CMC1: variants seen among roughly 807,000 people sequenced by gnomAD.
CMC1 encodes the protein COX assembly mitochondrial protein homolog.
CMC1 carries 14 observed loss-of-function variants against 14.1 expected under a neutral mutation model. The observed-to-expected ratio is 0.99, with a 90% CI of 0.66 to 1.55. The LOEUF (loss-of-function observed/expected upper bound fraction) is 1.55. Ranked by LOEUF, CMC1 falls within the 40% of genes most tolerant of loss-of-function variation. CMC1 has a pLI of 0.00. For missense variants in CMC1, 127 were observed against 123.8 expected, an observed-to-expected ratio of 1.03 and a Z score of -0.12; for synonymous variants, 50 against 38.4, an observed-to-expected ratio of 1.30 and a Z score of -1.12.
At chr3:28,304,293 T>C (rs1702196397) in intron 2 of CMC1, among the ~76,000 whole-genome samples, 1 of 152,078 alleles carries the variant, frequency 6.6e-6, no homozygotes, top group Non-Finnish European at 1.5e-5. Flanking sequence ...TATATTCCTT[T>C]TGTCACTGGA....
intron 1 of CMC1, among the ~76,000 whole-genome samples, chr3:28,249,832 G>A (rs112314589): frequency 0.019 from 2,830 of 152,220 alleles, 90 homozygotes; most frequent in African/African-American, 0.063. Flanking sequence ...TATTCTGGAG[G>A]CTAGGAAGTT....
At chr3:28,305,879 G>C (rs1577084389) in intron 2 of CMC1, among the ~76,000 whole-genome samples, 2 of 142,712 alleles carry the variant, frequency 1.4e-5, no homozygotes, top group African/African-American at 5.1e-5. Context: ...GAGAGGTAGA[G>C]ATGGAGTTTC....
intron 2 of CMC1, among the ~76,000 whole-genome samples, chr3:28,275,298 T>C (rs954266145): frequency 2.6e-5 from 4 of 152,034 alleles, no homozygotes; most frequent in South Asian, 2.1e-4. Context: ...GATGCTGTTA[T>C]GCTGTTGTCA....
At chr3:28,294,733 T>C (rs992380585) in intron 2 of CMC1, among the ~76,000 whole-genome samples, 1 of 152,130 alleles carries the variant, frequency 6.6e-6, no homozygotes. Context: ...ATTTTTTCCA[T>C]TTTCGCTTTA....
At position 28,261,125 on chromosome 3, in the gene CMC1, A is replaced by G. The variant is rs576040087; in HGVS notation, c.20-2166A>G. Reference sequence around the variant, plus strand: ...CTTCACAGTTTTAACGAACTTAAATATATGTTTTTGTAATATGACATATAT... The same window carrying G: ...CTTCACAGTTTTAACGAACTTAAATGTATGTTTTTGTAATATGACATATAT... On this transcript the variant is annotated intron_variant, in intron 1 of 3. Coordinates refer to ENST00000466830, the MANE Select transcript of CMC1 (RefSeq NM_182523.2). Among the ~76,000 whole-genome samples, 4 of 152,084 alleles carry G rather than the reference A, an allele frequency of 2.6e-5. No homozygotes were observed. The South Asian group carries it at 8.3e-4, about 32-fold the overall frequency.
At chr3:28,242,040 A>G in intron 1 of CMC1, 1 of 415,718 alleles carries the variant, frequency 2.4e-6, no homozygotes, top group East Asian at 3.6e-5. Flanking sequence ...AGTATCATCC[A>G]TTGTGGTTTC....
chr3:28,250,746 G>A (rs528353695), intron 1 of CMC1, among the ~76,000 whole-genome samples: 1 of 152,328 alleles, frequency 6.6e-6, no homozygotes, highest in South Asian at 2.1e-4. Flanking sequence ...GAAAGTTGGA[G>A]ATGGAGATGA....
intron 2 of CMC1, among the ~76,000 whole-genome samples, chr3:28,297,584 AG>A (rs895598896): frequency 6.6e-6 from 1 of 152,102 alleles, no homozygotes; most frequent in South Asian, 2.1e-4. Flanking sequence ...TGTTTAAGAA[AG>A]CTTTTCCAGC....
rs1703275587 is a variant in CMC1 at position 28,323,894 on chromosome 3, T to C, written c.*4265T>C. The C allele has an allele frequency of 2.4e-6, 2 of 838,246 alleles. No individual in the cohort carries two copies. The highest frequency in any genetic ancestry group is 1.7e-5 in the African/African-American group (1 of 57,690). The allele number at this position is 838,246 out of a possible 1,614,324, so 51.9% of individuals were successfully genotyped here. A position where few individuals can be genotyped will look rare whatever the true frequency, so the allele number is the denominator to read the frequency against. On this transcript the variant is annotated 3_prime_UTR_variant, in exon 4 of 4. Coordinates refer to ENST00000466830, the MANE Select transcript of CMC1 (RefSeq NM_182523.2). ...AGAAAACCAACTATGTTGGTTTTTG[T>C]ACTATTGTACAGTGTGTTCAAATAT...
At chr3:28,249,299 A>G (rs749173951) in intron 1 of CMC1, among the ~76,000 whole-genome samples, 6 of 152,218 alleles carry the variant, frequency 3.9e-5, no homozygotes, top group Non-Finnish European at 5.9e-5. Flanking sequence ...CTGATTCATT[A>G]TTGTATACAC....
At chr3:28,262,741 G>A (rs1308629200) in intron 1 of CMC1, among the ~76,000 whole-genome samples, 1 of 152,104 alleles carries the variant, frequency 6.6e-6, no homozygotes, top group Non-Finnish European at 1.5e-5. Context: ...GGACTCTAGA[G>A]CAGGTGTTCA....
intron 2 of CMC1, 197 bp from the exon 3 acceptor site, chr3:28,316,136 T>G (rs1702899250): frequency 2.6e-6 from 1 of 378,804 alleles, no homozygotes; most frequent in African/African-American, 2.1e-5. Context: ...ACATGTCTTT[T>G]GTTGAGCACG....
intron 2 of CMC1, among the ~76,000 whole-genome samples, chr3:28,283,590 C>T (rs576422519): frequency 6.6e-6 from 1 of 150,862 alleles, no homozygotes; most frequent in East Asian, 1.9e-4. Context: ...GAAACCAATT[C>T]TCTGCAGTAA....
Position 28,241,657 on chromosome 3 carries a change from T to A in CMC1, c.-137T>A. On this transcript the variant is annotated 5_prime_UTR_variant, in exon 1 of 4. It adds an upstream start codon to the 5' untranslated region. Coordinates refer to ENST00000466830, the MANE Select transcript of CMC1 (RefSeq NM_182523.2). ...AGAGGGAACGGGTCCTGGCGGTGCT[T>A]TGCAAAGGGCCCGTGTTTCTGTTGC... 3 of 1,233,534 alleles carry A rather than the reference T, an allele frequency of 2.4e-6. No individual in the cohort carries two copies. The highest frequency in any genetic ancestry group is 3.0e-6 in the Non-Finnish European group (3 of 987,810). The allele number at this position is 1,233,534 out of a possible 1,614,324, so 76.4% of individuals were successfully genotyped here.
Position 28,324,211 on chromosome 3 carries a change from C to T in CMC1, c.*4582C>T. The T allele has an allele frequency of 6.2e-7, 1 of 1,610,604 alleles. No homozygotes were observed. The highest frequency in any genetic ancestry group is 1.1e-5 in the South Asian group (1 of 90,982). On this transcript the variant is annotated 3_prime_UTR_variant, in exon 4 of 4. Coordinates refer to ENST00000466830, the MANE Select transcript of CMC1 (RefSeq NM_182523.2). ...TTCCAGAGAATTTCTGCCATAAGAA[C>T]TGTGTTCCTGAAAGCATGTACCATC...
chr3:28,246,216 G>A (rs1576963535), intron 1 of CMC1, among the ~76,000 whole-genome samples: 2 of 151,384 alleles, frequency 1.3e-5, no homozygotes, highest in Non-Finnish European at 2.9e-5. Flanking sequence ...TCTACATTTT[G>A]TATATTTATA....
chr3:28,315,644 G>A (rs1472334803), intron 2 of CMC1, among the ~76,000 whole-genome samples: 1 of 152,134 alleles, frequency 6.6e-6, no homozygotes, highest in African/African-American at 2.4e-5. Context: ...ATATACAGTC[G>A]TGCACTGCAT....
Position 28,274,212 on chromosome 3 carries a change from G to GTTTTTTTTTTTTTT in CMC1, c.109+10839_109+10840insTTTTTTTTTTTTTT, listed in dbSNP as rs376321066. 5.3e-4 allele frequency among the ~76,000 whole-genome samples: 47 copies of GTTTTTTTTTTTTTT among 88,134 alleles called. 3 individuals carry two copies. Among genetic ancestry groups the GTTTTTTTTTTTTTT allele is most frequent in the Middle Eastern group, 0.011 (2 of 176 alleles). 57.8% of individuals were successfully genotyped at this position (88,134 alleles called of 152,430 possible). A position where few individuals can be genotyped will look rare whatever the true frequency, so the allele number is the denominator to read the frequency against. On this transcript the variant is annotated intron_variant, in intron 2 of 3. Transcript: ENST00000466830. ...TTGGTCTTTGTACTAAAGTGTTTTTGTTTTTTTCTTTTTTTTTTTTTTTGC... is the reference window on the plus strand; with the variant it reads ...TTGGTCTTTGTACTAAAGTGTTTTTGTTTTTTTTTTTTTTTTTTTTTCTTTTTTTTTTTTTTTGC...
Position 28,241,823 on chromosome 3 carries a change from G to A in CMC1, c.19+11G>A. 1 of 1,238,410 alleles carries A rather than the reference G, an allele frequency of 8.1e-7. No individual in the cohort carries two copies. The highest frequency in any genetic ancestry group is 1.0e-6 in the Non-Finnish European group (1 of 988,066). 76.7% of individuals were successfully genotyped at this position (1,238,410 alleles called of 1,614,324 possible). On this transcript the variant is annotated intron_variant, in intron 1 of 3. Transcript: ENST00000466830. ...CGCTCGACCCCGCAGGTACCGGGGC[G>A]GGAAGCGGGGTTTGCCGAGGGGCCT... is the stretch of plus-strand genomic sequence containing the variant.
Sources: allele counts gnomAD v4.1 joint callset (sites outside exome capture counted in the v4.1 genomes callset), GRCh38; gene constraint gnomAD v4.1.1; transcripts MANE v1.5; gene names NCBI Gene and HGNC (gene_info 2026-07-23, HGNC 2026-07-21).